DOCK11: variants seen among roughly 807,000 people sequenced by gnomAD.
DOCK11 encodes dedicator of cytokinesis 11, also known as dedicator of cytokinesis protein 11.
In DOCK11, 70 loss-of-function variants were observed where a neutral mutation model predicts 169.1. The observed-to-expected ratio is 0.41, with a 90% CI of 0.34 to 0.51. DOCK11 has a LOEUF of 0.51. Ranked by LOEUF, DOCK11 falls within the 20% of genes least tolerant of loss-of-function variation. DOCK11 has a pLI of 0.10. For missense variants in DOCK11, 1,166 were observed against 1,538.8 expected (o/e 0.76, Z 4.05); for synonymous variants, 529 against 541.3 (o/e 0.98, Z 0.32).
chrX:118,647,782 A>G (rs1413390088), intron 40 of DOCK11, among the ~76,000 whole-genome samples: 12 of 32,334 alleles, frequency 3.7e-4, no homozygotes, highest in African/African-American at 2.1e-3. Context: ...ATATAATAAT[A>G]TATAATATAT....
In DOCK11 at chrX:118,593,347, C is replaced by A. The variant is rs748075265; in HGVS notation, c.2263+10C>A. 8.4e-7 allele frequency: 1 copy of A among 1,194,507 alleles called. No homozygotes were observed. ...ACAGTTGAAACTCCAGGTACGTGTT[C>A]TCTTTAAATGTCTCTCTCTACAGTT... On this transcript the variant is annotated intron_variant, in intron 20 of 52. Transcript: ENST00000276202.
chrX:118,619,630 A>G (rs1228299883), intron 31 of DOCK11, among the ~76,000 whole-genome samples: 1 of 109,195 alleles, frequency 9.2e-6, no homozygotes, highest in African/African-American at 3.3e-5. Flanking sequence ...ATATGCTTTA[A>G]TATATCTTTA....
intron 1 of DOCK11, among the ~76,000 whole-genome samples, chrX:118,507,199 A>G (rs1157618455): frequency 1.8e-5 from 2 of 112,143 alleles, no homozygotes; most frequent in Admixed American, 9.5e-5. Flanking sequence ...AGATATTCTG[A>G]TACTTCAGCG....
At chrX:118,544,484 T>C (rs2012162750) in intron 4 of DOCK11, among the ~76,000 whole-genome samples, 1 of 109,395 alleles carries the variant, frequency 9.1e-6, no homozygotes, top group African/African-American at 3.3e-5. Flanking sequence ...TTTAGCCTTT[T>C]GTAGTTTTCA....
chrX:118,650,803 T>C (rs1889490103), intron 41 of DOCK11, among the ~76,000 whole-genome samples: 2 of 111,931 alleles, frequency 1.8e-5, no homozygotes, highest in African/African-American at 6.5e-5. Flanking sequence ...TTAATAAATA[T>C]GAAGACTTAG....
chrX:118,642,096 T>C (rs1280309204), intron 39 of DOCK11, among the ~76,000 whole-genome samples: 1 of 111,999 alleles, frequency 8.9e-6, no homozygotes. Context: ...TACAGATCCC[T>C]TTATGAAGTA....
At chrX:118,610,987 C>T (rs1334987757) in intron 28 of DOCK11, among the ~76,000 whole-genome samples, 2 of 110,983 alleles carry the variant, frequency 1.8e-5, no homozygotes, top group African/African-American at 6.6e-5. Context: ...TTCAGTGAGC[C>T]GAAATCACAC....
chrX:118,514,305 TC>T (rs1390815897), intron 1 of DOCK11, among the ~76,000 whole-genome samples: 5 of 110,757 alleles, frequency 4.5e-5, no homozygotes, highest in Admixed American at 9.6e-5. Flanking sequence ...CTCAGGCAGT[TC>T]TTTATTAGGA....
intron 35 of DOCK11, among the ~76,000 whole-genome samples, chrX:118,634,550 G>T (rs2015334952): frequency 8.9e-6 from 1 of 112,061 alleles, no homozygotes; most frequent in African/African-American, 3.2e-5. Flanking sequence ...TTTTCGGCTA[G>T]AAGAGCTAAC....
chrX:118,551,854 A>T (rs1227623783), intron 6 of DOCK11, among the ~76,000 whole-genome samples: 1 of 110,955 alleles, frequency 9.0e-6, no homozygotes, highest in Non-Finnish European at 1.9e-5. Flanking sequence ...GAGCAACATG[A>T]CGAAACCTCG....
intron 7 of DOCK11, among the ~76,000 whole-genome samples, chrX:118,564,893 G>T (rs1203732941): frequency 9.1e-6 from 1 of 109,722 alleles, no homozygotes; most frequent in Non-Finnish European, 1.9e-5. Context: ...CCAAAGTGCT[G>T]GGATTACATG....
At chrX:118,567,804 C>T (rs1365271145) in intron 9 of DOCK11, among the ~76,000 whole-genome samples, 1 of 111,693 alleles carries the variant, frequency 9.0e-6, no homozygotes, top group East Asian at 2.8e-4. Flanking sequence ...GATTGTGCAG[C>T]TCCATTAGGT....
chrX:118,634,922 T>TA (rs2015349666), intron 35 of DOCK11, among the ~76,000 whole-genome samples: 1 of 110,745 alleles, frequency 9.0e-6, no homozygotes, highest in African/African-American at 3.3e-5. Flanking sequence ...AGACAGGGTT[T>TA]CACGATGTTG....
At chrX:118,678,873 C>T (rs538666644) in intron 48 of DOCK11, among the ~76,000 whole-genome samples, 4 of 111,086 alleles carry the variant, frequency 3.6e-5, no homozygotes, top group Admixed American at 2.9e-4. Flanking sequence ...TGTGCTCAAG[C>T]GATCCTCCCA....
intron 44 of DOCK11, among the ~76,000 whole-genome samples, 183 bp downstream of exon 44, chrX:118,655,144 C>A (rs773321747): frequency 3.4e-4 from 38 of 111,321 alleles, no homozygotes; most frequent in African/African-American, 1.2e-3. Context: ...GTCCCTTCTG[C>A]TTTCATTAGA....
intron 1 of DOCK11, among the ~76,000 whole-genome samples, chrX:118,515,114 C>T (rs746979142): frequency 2.2e-4 from 25 of 112,114 alleles, no homozygotes; most frequent in Non-Finnish European, 4.3e-4. Context: ...ACATTGCCAC[C>T]TCTTTGGTCT....
intron 1 of DOCK11, among the ~76,000 whole-genome samples, chrX:118,523,492 G>A (rs1280332190): frequency 8.9e-6 from 1 of 112,113 alleles, no homozygotes; most frequent in Non-Finnish European, 1.9e-5. Flanking sequence ...TTGGTGATCT[G>A]TAATTGTCAA....
chrX:118,635,371 C>T (rs2015360483), intron 35 of DOCK11, among the ~76,000 whole-genome samples: 1 of 111,682 alleles, frequency 9.0e-6, no homozygotes, highest in Admixed American at 9.5e-5. Context: ...CAAGTGGTGG[C>T]ACTGTTTGTT....
intron 30 of DOCK11, 93 bp from the exon 31 acceptor site, chrX:118,618,457 C>A (rs1168145996): frequency 1.5e-6 from 1 of 659,760 alleles, no homozygotes; most frequent in African/African-American, 2.3e-5. Context: ...CTCTTGCTAG[C>A]ATGATCACAT....
Sources: gnomAD v4.1 joint callset for allele counts (sites outside exome capture counted in the v4.1 genomes callset) on GRCh38, gnomAD v4.1.1 for gene constraint, MANE v1.5 for transcripts, NCBI Gene and HGNC (gene_info 2026-07-23, HGNC 2026-07-21) for gene names.